Variants in MYRFL observed in about 807,000 individuals in gnomAD.
MYRFL encodes myelin regulatory factor like, also known as myelin regulatory factor-like protein.
MYRFL carries 88 observed loss-of-function variants against 109.4 expected under a neutral mutation model. The ratio of observed to expected loss-of-function variants is 0.80; its 90% CI spans 0.68 to 0.96. The LOEUF is 0.96. MYRFL is among the 40% of genes least tolerant of loss of function. MYRFL has a pLI of 0.00. For synonymous variants in MYRFL, 324 were observed against 320.9 expected, an observed-to-expected ratio of 1.01 and a Z score of -0.10; for missense variants, 957 against 954.9, an observed-to-expected ratio of 1.00 and a Z score of -0.03.
chr12:69,849,163 C>T (rs1040383850), intron 1 of MYRFL, among the ~76,000 whole-genome samples: 29 of 152,214 alleles, frequency 1.9e-4, no homozygotes, highest in African/African-American at 2.9e-4. Flanking sequence ...CGAGCCATTG[C>T]GCCCAGCCAA....
chr12:69,904,992 T>G (rs1295391770), intron 11 of MYRFL, among the ~76,000 whole-genome samples: 1 of 152,214 alleles, frequency 6.6e-6, no homozygotes, highest in Non-Finnish European at 1.5e-5. Context: ...TGTAGACTTT[T>G]ATACTGATTG....
At chr12:69,896,815 G>A (rs534897733) in intron 9 of MYRFL, among the ~76,000 whole-genome samples, 9 of 152,346 alleles carry the variant, frequency 5.9e-5, no homozygotes, top group South Asian at 2.1e-4. Flanking sequence ...GGACTGCAGC[G>A]TAGAGAGGCC....
chr12:69,853,189 G>T (rs1459591903), intron 1 of MYRFL, among the ~76,000 whole-genome samples: 1 of 150,110 alleles, frequency 6.7e-6, no homozygotes. Context: ...CCATCTCCCG[G>T]ACGGGGCAGC....
chr12:69,926,013 C>T (rs144199256), intron 13 of MYRFL, among the ~76,000 whole-genome samples: 27 of 137,152 alleles, frequency 2.0e-4, no homozygotes, highest in African/African-American at 9.0e-4. Flanking sequence ...AAATTTGATG[C>T]GTATTTTATT....
chr12:69,958,298 T>C lies in MYRFL; in HGVS notation c.2621T>C (p.Met874Thr). ...CCTGTAGCCCCATTTTCTGACAGCA[T>C]GTTCCATTTCCGTGTAGCTGCACCG... ...SLPVAPFSDS[M>T]FHFRVAAPDL... The change falls in exon 24 of 25, where the codon ATG becomes ACG. Residue 874 changes from methionine to threonine, a missense_variant. Met to Thr is a moderately conservative substitution (Grantham distance 81). Transcript: ENST00000552032. 1 of 1,536,600 alleles carries C rather than the reference T, an allele frequency of 6.5e-7. No homozygotes were observed. Among genetic ancestry groups the C allele is most frequent in the South Asian group, 1.2e-5 (1 of 84,054 alleles).
chr12:69,847,096 G>A (rs1883604825), intron 1 of MYRFL, among the ~76,000 whole-genome samples: 1 of 152,166 alleles, frequency 6.6e-6, no homozygotes, highest in Admixed American at 6.5e-5. Flanking sequence ...TGGCAATCAG[G>A]AGCTACAGTT....
chr12:69,907,493 G>A (rs1053143634), intron 11 of MYRFL, among the ~76,000 whole-genome samples: 32 of 152,104 alleles, frequency 2.1e-4, no homozygotes, highest in Non-Finnish European at 4.1e-4. Context: ...TGCAGGTGGG[G>A]CAGGAACAAA....
At chr12:69,846,903 G>A (rs1883589210) in intron 1 of MYRFL, among the ~76,000 whole-genome samples, 1 of 151,856 alleles carries the variant, frequency 6.6e-6, no homozygotes, top group East Asian at 1.9e-4. Context: ...ACTGGTGTGA[G>A]ATGGTATCTC....
intron 2 of MYRFL, among the ~76,000 whole-genome samples, chr12:69,878,792 C>G (rs938807542): frequency 1.1e-4 from 17 of 152,042 alleles, no homozygotes; most frequent in Admixed American, 9.8e-4. Context: ...CGTACTTATT[C>G]ATGGATACAC....
intron 1 of MYRFL, 113 bp downstream of exon 1, chr12:69,825,676 T>C (rs1882230811): frequency 1.6e-6 from 1 of 642,422 alleles, no homozygotes. Flanking sequence ...GCTATCATAC[T>C]TAGGTAACTC....
chr12:69,906,717 G>A (rs1048267313), intron 11 of MYRFL, among the ~76,000 whole-genome samples: 1 of 152,180 alleles, frequency 6.6e-6, no homozygotes, highest in Admixed American at 6.5e-5. Context: ...GGAGCCAAAC[G>A]CAGAAGTTCC....
chr12:69,902,431 A>G (rs1365486609), intron 10 of MYRFL, among the ~76,000 whole-genome samples: 1 of 152,180 alleles, frequency 6.6e-6, no homozygotes, highest in Non-Finnish European at 1.5e-5. Flanking sequence ...TCTCCCTCCT[A>G]CCACTGTTTC....
At chr12:69,925,563 GAGAAAGAT>G (rs969107446) in intron 13 of MYRFL, among the ~76,000 whole-genome samples, 4 of 152,118 alleles carry the variant, frequency 2.6e-5, no homozygotes, top group African/African-American at 9.7e-5. Context: ...TGCAAACAGA[GAGAAAGAT>G]AGGAGGAGAG....
At chr12:69,825,993 C>T (rs961566568) in intron 1 of MYRFL, among the ~76,000 whole-genome samples, 3 of 151,988 alleles carry the variant, frequency 2.0e-5, no homozygotes, top group Admixed American at 2.0e-4. Context: ...AAGACCTGCT[C>T]ATTTACAGAA....
intron 19 of MYRFL, among the ~76,000 whole-genome samples, chr12:69,938,543 A>G (rs1461262632): frequency 2.6e-5 from 4 of 152,182 alleles, no homozygotes; most frequent in African/African-American, 9.7e-5. Context: ...ATAAGATAAT[A>G]ATTGAGCTGA....
intron 8 of MYRFL, 97 bp from the exon 9 acceptor site, chr12:69,895,274 C>G (rs1953948171): frequency 2.2e-6 from 2 of 891,878 alleles, no homozygotes; most frequent in African/African-American, 1.7e-5. Flanking sequence ...AACTGGGAAC[C>G]AAGCATAGAT....
chr12:69,842,712 T>A (rs1240263), intron 1 of MYRFL, among the ~76,000 whole-genome samples: 103,753 of 152,068 alleles, frequency 0.68, 38,061 homozygotes, highest in Non-Finnish European at 0.83. Context: ...TGCACATGCC[T>A]TTTTTGTTCC....
intron 8 of MYRFL, 31 bp from the exon 9 acceptor site, chr12:69,895,340 C>CT: frequency 7.0e-7 from 1 of 1,434,616 alleles, no homozygotes; most frequent in African/African-American, 1.4e-5. Flanking sequence ...CTTATAGTCT[C>CT]TTGGTTTTTT....
rs1955684856 is a variant in MYRFL, at chr12:69,942,406, A to C, written c.2224+5774A>C. Among the ~76,000 whole-genome samples the C allele has an allele frequency of 2.7e-5, 4 of 148,050 alleles. No homozygotes were observed. In the South Asian group the frequency reaches 8.8e-4, roughly 33 times the overall value. On this transcript the variant is annotated intron_variant, in intron 19 of 24. Transcript: ENST00000552032. ...ATATGCAAATCAATAAATGTAATCC[A>C]GCATATAAACAGAGCCAAAGACAAA...
Sources: gnomAD v4.1 joint callset for allele counts (sites outside exome capture counted in the v4.1 genomes callset) on GRCh38, gnomAD v4.1.1 for gene constraint, MANE v1.5 for transcripts, NCBI Gene and HGNC (gene_info 2026-07-23, HGNC 2026-07-21) for gene names.